Variants in ENTREP2 observed in about 807,000 individuals in gnomAD.
ENTREP2 encodes the protein endosomal transmembrane epsin interactor 2, also known as protein ENTREP2.
At chr15:29,368,543 A>G in the ENTREP2 span, among the ~76,000 whole-genome samples, 3 of 152,006 alleles carry the variant, frequency 2.0e-5, no homozygotes, top group Non-Finnish European at 4.4e-5. Flanking sequence ...ATATCTCACC[A>G]AACAGAAAAT....
the ENTREP2 span, among the ~76,000 whole-genome samples, chr15:29,168,734 C>A: frequency 3.2e-4 from 48 of 152,300 alleles, no homozygotes; most frequent in African/African-American, 1.1e-3. Flanking sequence ...CACTCAGGCA[C>A]CACCAGTAAC....
At chr15:29,500,549 T>C in the ENTREP2 span, among the ~76,000 whole-genome samples, 2 of 151,938 alleles carry the variant, frequency 1.3e-5, no homozygotes, top group African/African-American at 4.8e-5. Flanking sequence ...AAAATAAAAA[T>C]AAAATACAAT....
At chr15:29,414,506 A>G in the ENTREP2 span, among the ~76,000 whole-genome samples, 6 of 152,218 alleles carry the variant, frequency 3.9e-5, no homozygotes, top group Admixed American at 2.6e-4. Flanking sequence ...AGCAGTGTGT[A>G]GAGGGAAATT....
At chr15:29,633,720 G>A in the ENTREP2 span, among the ~76,000 whole-genome samples, 2 of 152,170 alleles carry the variant, frequency 1.3e-5, no homozygotes, top group South Asian at 4.1e-4. Flanking sequence ...CAGCACTTTG[G>A]GAGGCCGATG....
the ENTREP2 span, among the ~76,000 whole-genome samples, chr15:29,362,519 C>T: frequency 6.6e-6 from 1 of 151,746 alleles, no homozygotes; most frequent in Admixed American, 6.6e-5. Flanking sequence ...GGACTAGAGG[C>T]ACACGCCGCC....
At chr15:29,423,956 A>G in the ENTREP2 span, among the ~76,000 whole-genome samples, 9 of 152,224 alleles carry the variant, frequency 5.9e-5, no homozygotes, top group Non-Finnish European at 1.3e-4. Flanking sequence ...TCCGCAATTT[A>G]TTCTTCCCCG....
At chr15:29,269,507 C>T in the ENTREP2 span, 1 of 1,602,976 alleles carries the variant, frequency 6.2e-7, no homozygotes, top group Non-Finnish European at 8.5e-7. Flanking sequence ...CGGCGGGCGC[C>T]CTGAGGCGAG....
chr15:29,346,083 G>A, the ENTREP2 span, among the ~76,000 whole-genome samples: 1 of 152,196 alleles, frequency 6.6e-6, no homozygotes, highest in Admixed American at 6.5e-5. Flanking sequence ...CTCGGCGAAC[G>A]AGCTCCAGAG....
the ENTREP2 span, among the ~76,000 whole-genome samples, chr15:29,343,948 C>A: frequency 6.6e-6 from 1 of 152,162 alleles, no homozygotes; most frequent in South Asian, 2.1e-4. Context: ...AAAAGATGAA[C>A]TGCTCAGGAA....
At chr15:29,534,633 G>A in the ENTREP2 span, among the ~76,000 whole-genome samples, 1 of 152,168 alleles carries the variant, frequency 6.6e-6, no homozygotes, top group East Asian at 1.9e-4. Context: ...CTTACTTATT[G>A]TTAAGTAGGA....
chr15:29,192,359 G>A, the ENTREP2 span, among the ~76,000 whole-genome samples: 4 of 152,268 alleles, frequency 2.6e-5, 1 homozygote, highest in Non-Finnish European at 5.9e-5. Context: ...GGGGAAAAAT[G>A]ATGTAGAACA....
the ENTREP2 span, among the ~76,000 whole-genome samples, chr15:29,422,355 G>A: frequency 2.0e-5 from 3 of 152,300 alleles, no homozygotes; most frequent in Middle Eastern, 3.4e-3. Context: ...TCTCACCCAG[G>A]ATGGGGACCC....
the ENTREP2 span, among the ~76,000 whole-genome samples, chr15:29,540,069 G>T: frequency 6.6e-6 from 1 of 152,112 alleles, no homozygotes; most frequent in Non-Finnish European, 1.5e-5. Context: ...TCATATCACA[G>T]CCCATTGCCT....
chr15:29,484,158 T>C, the ENTREP2 span, among the ~76,000 whole-genome samples: 1 of 152,316 alleles, frequency 6.6e-6, no homozygotes, highest in East Asian at 1.9e-4. Flanking sequence ...TGAAAGCAAA[T>C]AGCTCCTTCA....
the ENTREP2 span, among the ~76,000 whole-genome samples, chr15:29,582,568 A>G: frequency 6.6e-6 from 1 of 152,198 alleles, no homozygotes; most frequent in African/African-American, 2.4e-5. Flanking sequence ...AGTTTCTGAA[A>G]AGGGAAACCA....
chr15:29,119,183 A>T, the ENTREP2 span, among the ~76,000 whole-genome samples: 3 of 152,246 alleles, frequency 2.0e-5, no homozygotes, highest in African/African-American at 7.2e-5. Context: ...TACATGGTAG[A>T]GGCAAAGAAA....
At chr15:29,319,888 G>A in the ENTREP2 span, among the ~76,000 whole-genome samples, 2 of 152,094 alleles carry the variant, frequency 1.3e-5, no homozygotes, top group African/African-American at 2.4e-5. Flanking sequence ...AGTTTTAGGG[G>A]GACACCCTAC....
chr15:29,412,011 C>T, the ENTREP2 span, among the ~76,000 whole-genome samples: 2 of 152,138 alleles, frequency 1.3e-5, no homozygotes, highest in African/African-American at 4.8e-5. Context: ...AGCATAAATT[C>T]CCCCCAAATT....
At chr15:29,536,029 A>G in the ENTREP2 span, among the ~76,000 whole-genome samples, 1 of 152,150 alleles carries the variant, frequency 6.6e-6, no homozygotes, top group Non-Finnish European at 1.5e-5. Flanking sequence ...ACAGATCCCC[A>G]GCTTTGTTAG....
Sources: allele counts gnomAD v4.1 joint callset (sites outside exome capture counted in the v4.1 genomes callset), GRCh38; gene constraint gnomAD v4.1.1; transcripts MANE v1.5; gene names NCBI Gene and HGNC (gene_info 2026-07-23, HGNC 2026-07-21).